TRIM37: variants seen among roughly 807,000 people sequenced by gnomAD.
TRIM37 encodes tripartite motif containing 37.
In TRIM37, 80 loss-of-function variants were observed where a neutral mutation model predicts 129.8. The ratio of observed to expected loss-of-function variants is 0.62; its 90% CI spans 0.51 to 0.74. The LOEUF (loss-of-function observed/expected upper bound fraction) is 0.74, where lower values mean the gene tolerates loss of function less well. TRIM37 is among the 30% of genes least tolerant of loss of function. TRIM37 has a pLI of 0.00. For missense variants in TRIM37, 1,054 were observed against 1,176.5 expected, an observed-to-expected ratio of 0.90 and a Z score of 1.52; for synonymous variants, 389 against 387.1, an observed-to-expected ratio of 1.00 and a Z score of -0.06.
intron 19 of TRIM37, among the ~76,000 whole-genome samples, chr17:59,018,301 G>A (rs769661740): frequency 6.6e-6 from 1 of 151,852 alleles, no homozygotes; most frequent in Non-Finnish European, 1.5e-5. Context: ...GCAGAACTGT[G>A]AGTTAAATAA....
At chr17:58,980,749 C>A (rs2031308449), downstream of TRIM37, 8 of 1,614,132 alleles carry the variant, frequency 5.0e-6, no homozygotes, top group Non-Finnish European at 6.8e-6. The surrounding 1 kb of genome is among the most constrained non-coding windows in gnomAD (Gnocchi z 4.7). Flanking sequence ...CCCCGGGAAA[C>A]AGAGTTTCTA....
At position 59,028,294 on chromosome 17, in the gene TRIM37, T is replaced by C. The variant is rs539518145; in HGVS notation, c.2257+121A>G. 607 of 905,308 alleles carry C rather than the reference T, an allele frequency of 6.7e-4. 1 individual carries two copies. The highest frequency in any genetic ancestry group is 9.5e-4 in the Non-Finnish European group (570 of 602,028). The allele number at this position is 905,308 out of a possible 1,614,324, so 56.1% of individuals were successfully genotyped here. On this transcript the variant is annotated intron_variant, in intron 19 of 23. Coordinates refer to ENST00000262294, the MANE Select transcript of TRIM37 (RefSeq NM_015294.6). ...ATTTTGGATGAAGAAAAAAGTCACA[T>C]GTAATTTGTAGTCTTAACTCACTGG...
At chr17:59,006,614 C>A (rs746501525) in intron 22 of TRIM37, among the ~76,000 whole-genome samples, 8 of 151,938 alleles carry the variant, frequency 5.3e-5, no homozygotes, top group Non-Finnish European at 1.0e-4. Context: ...TGGCTGGGTG[C>A]GCGGTGGCTC....
At chr17:59,056,065 T>C (rs1334714271) in intron 13 of TRIM37, among the ~76,000 whole-genome samples, 1 of 152,170 alleles carries the variant, frequency 6.6e-6, no homozygotes, top group Non-Finnish European at 1.5e-5. Flanking sequence ...CACTCAAATA[T>C]AATATGCACT....
intron 4 of TRIM37, among the ~76,000 whole-genome samples, chr17:59,086,536 G>A (rs1243802145): frequency 1.3e-5 from 2 of 152,100 alleles, no homozygotes; most frequent in Non-Finnish European, 2.9e-5. Context: ...ACTGTGCCTG[G>A]CCCACTCTTG....
At chr17:59,100,849 C>A (rs756369721) in intron 2 of TRIM37, among the ~76,000 whole-genome samples, 1 of 151,800 alleles carries the variant, frequency 6.6e-6, no homozygotes, top group South Asian at 2.1e-4. Flanking sequence ...ATGGTGAAAC[C>A]CTGTTTCTAC....
In TRIM37 at chr17:59,051,305, A is replaced by G. The variant is rs779793783; in HGVS notation, c.1223T>C (p.Phe408Ser). 6 of 1,613,750 alleles carry G rather than the reference A, an allele frequency of 3.7e-6. No individual in the cohort carries two copies. Among genetic ancestry groups the G allele is most frequent in the Non-Finnish European group, 5.1e-6 (6 of 1,179,720 alleles). Reference sequence around the variant, plus strand: ...ATGCTGGTCCCGGGATTTTTGAAAGAAAGTTGGTGAACGTACCTGAAACCT... The same window carrying G: ...ATGCTGGTCCCGGGATTTTTGAAAGGAAGTTGGTGAACGTACCTGAAACCT... ...ILRFQVRSPT[F>S]FQKSRDQHWY... The change falls in exon 14 of 24, where the codon TTC becomes TCC. Residue 408 changes from phenylalanine to serine, a missense_variant. Around this residue, in one of 3 missense-constraint regions of TRIM37, gnomAD observed 752 missense variants for 870.8 expected, o/e 0.86. Transcript: ENST00000262294.
intron 14 of TRIM37, 27 bp from the exon 15 acceptor site, chr17:59,049,420 T>C (rs1451437227): frequency 1.9e-6 from 3 of 1,590,934 alleles, no homozygotes; most frequent in Non-Finnish European, 1.7e-6. Context: ...AGCACAAATA[T>C]TAGCCACAGC....
intron 8 of TRIM37, chr17:59,073,088 GCTTA>G (rs1268032825): frequency 1.3e-5 from 2 of 152,134 alleles, no homozygotes; most frequent in Non-Finnish European, 2.9e-5. Context: ...TTAATTGAAT[GCTTA>G]CTGTGTATAT....
chr17:58,999,700 A>T (rs1366419073), intron 23 of TRIM37, among the ~76,000 whole-genome samples: 7 of 152,224 alleles, frequency 4.6e-5, no homozygotes, highest in African/African-American at 1.4e-4. Flanking sequence ...CAATTAAAAG[A>T]TGACAGGAAT....
intron 1 of TRIM37, among the ~76,000 whole-genome samples, chr17:59,105,553 C>T (rs1053033081): frequency 6.6e-6 from 1 of 152,180 alleles, no homozygotes; most frequent in South Asian, 2.1e-4. Context: ...CTGACATTTA[C>T]TTTCACTCCA....
chr17:59,042,442 AAAAAAAAATATATATATATAT>A (rs1353921677), intron 16 of TRIM37, among the ~76,000 whole-genome samples: 27 of 47,324 alleles, frequency 5.7e-4, no homozygotes, highest in African/African-American at 1.7e-3. Flanking sequence ...AAAAAAAAAA[AAAAAAAAATATATATATATAT>A]ATATATATAT....
At chr17:59,073,533 G>T (rs2085437831) in intron 8 of TRIM37, among the ~76,000 whole-genome samples, 1 of 152,082 alleles carries the variant, frequency 6.6e-6, no homozygotes, top group Admixed American at 6.5e-5. Context: ...CAAGTGATCT[G>T]CCCACCTTGG....
chr17:59,045,153 C>T (rs1469650772), intron 16 of TRIM37, among the ~76,000 whole-genome samples: 1 of 151,932 alleles, frequency 6.6e-6, no homozygotes, highest in African/African-American at 2.4e-5. Context: ...GGTGAAACCC[C>T]ATCTCTATTA....
At chr17:59,075,563 C>CAAAAAAA (rs34467573) in intron 8 of TRIM37, 84 bp downstream of exon 8, 34 of 491,378 alleles carry the variant, frequency 6.9e-5, no homozygotes, top group East Asian at 1.4e-4. Flanking sequence ...GACTCCATCT[C>CAAAAAAA]AAAAAAAAAA....
intron 8 of TRIM37, among the ~76,000 whole-genome samples, chr17:59,074,932 G>C (rs1254944635): frequency 6.6e-6 from 1 of 152,124 alleles, no homozygotes; most frequent in Non-Finnish European, 1.5e-5. Flanking sequence ...AATGATGCCT[G>C]CTATCTATTT....
chr17:58,980,707 C>T (rs1331550644), downstream of TRIM37: 1 of 1,614,092 alleles, frequency 6.2e-7, no homozygotes, highest in Non-Finnish European at 8.5e-7. This position sits in a 1 kb window ranked among gnomAD's most constrained non-coding sequence, Gnocchi z 4.7. Context: ...TGTCTCCTGT[C>T]TGTTCAGGGT....
chr17:59,098,885 A>T lies in TRIM37; in HGVS notation c.123+5408T>A, dbSNP rs768150849. Among the ~76,000 whole-genome samples, 53 of 152,144 alleles carry T rather than the reference A, an allele frequency of 3.5e-4. 1 individual carries two copies. Among genetic ancestry groups the T allele is most frequent in the Non-Finnish European group, 8.8e-5 (6 of 68,032 alleles). On this transcript the variant is annotated intron_variant, in intron 2 of 23. Transcript: ENST00000262294. The stretch of plus-strand genomic sequence containing the variant: ...AAACAACCCAAGTGTCCATCAAGAG[A>T]TAAAAATGGATAAATAGGCTAGGCG...
At position 59,028,483 on chromosome 17, in the gene TRIM37, C is replaced by A; in HGVS notation, c.2189G>T (p.Gly730Val). ...ALAACGTENSGRLQDLGMELL... is the reference protein window; with the variant it reads ...ALAACGTENSVRLQDLGMELL... ...TTCCATTCCCAAATCCTGCAATCTG[C>A]CAGAGTTTTCAGTTCCACATGCAGC... Residue 730 changes from glycine (G) to valine (V), a missense_variant, in exon 19 of 24, where the codon GGC becomes GTC. By Grantham distance (109) the Gly-to-Val change is moderately radical. Transcript: ENST00000262294. The A allele has an allele frequency of 6.2e-7, 1 of 1,614,092 alleles. No individual in the cohort carries two copies. Among genetic ancestry groups the A allele is most frequent in the African/African-American group, 1.3e-5 (1 of 75,052 alleles).
Sources: gnomAD v4.1 joint callset for allele counts (sites outside exome capture counted in the v4.1 genomes callset) on GRCh38, gnomAD v4.1.1 for gene constraint, gnomAD v4.1.1 regional missense constraint, Gnocchi (gnomAD v3.1) non-coding constraint, MANE v1.5 for transcripts, NCBI Gene and HGNC (gene_info 2026-07-23, HGNC 2026-07-21) for gene names.